The following ARAP1 variants were observed in gnomAD, a reference collection of about 807,000 sequenced individuals.
ARAP1 encodes the protein ArfGAP with RhoGAP domain, ankyrin repeat and PH domain 1.
In ARAP1, 76 loss-of-function variants were observed where a neutral mutation model predicts 172.2. That is an observed-to-expected ratio of 0.44 (90% CI 0.37 to 0.53). The LOEUF is 0.53. Ranked by LOEUF, ARAP1 falls within the 20% of genes least tolerant of loss-of-function variation. ARAP1 has a pLI of 0.00. For synonymous variants in ARAP1, 804 were observed against 803.3 expected (o/e 1.00, Z -0.01); for missense variants, 1,686 against 1,977.5 (o/e 0.85, Z 2.80).
chr11:72,715,043 G>A (rs1385601591), intron 3 of ARAP1, among the ~76,000 whole-genome samples: 1 of 152,240 alleles, frequency 6.6e-6, no homozygotes, highest in Non-Finnish European at 1.5e-5. Flanking sequence ...AGATCACATT[G>A]CTTCTGGCAG....
chr11:72,716,483 T>C (rs1213670550), intron 3 of ARAP1, among the ~76,000 whole-genome samples: 2 of 152,256 alleles, frequency 1.3e-5, no homozygotes, highest in African/African-American at 2.4e-5. Context: ...TTTGGCAGCA[T>C]GGCCTGTGGA....
intron 1 of ARAP1, among the ~76,000 whole-genome samples, chr11:72,740,144 C>G (rs1858156370): frequency 6.6e-6 from 1 of 152,132 alleles, no homozygotes; most frequent in Non-Finnish European, 1.5e-5. Flanking sequence ...GGTTTCAGTC[C>G]TCCTTCTTCT....
intron 1 of ARAP1, among the ~76,000 whole-genome samples, chr11:72,733,077 C>T (rs1052958529): frequency 6.6e-6 from 1 of 152,166 alleles, no homozygotes; most frequent in Admixed American, 6.5e-5. Context: ...GAACCTCATG[C>T]TCATGGAAAC....
chr11:72,687,309 T>C (rs1855733515), intron 33 of ARAP1, 130 bp downstream of exon 33: 2 of 1,189,740 alleles, frequency 1.7e-6, no homozygotes, highest in Non-Finnish European at 2.5e-6. Context: ...AACTAGCAAA[T>C]GAATTAAAAG....
At chr11:72,743,675 T>TC (rs951615047) in intron 1 of ARAP1, among the ~76,000 whole-genome samples, 2 of 152,248 alleles carry the variant, frequency 1.3e-5, no homozygotes, top group Middle Eastern at 3.4e-3. Flanking sequence ...GCAAGGCCTG[T>TC]CCCTTCTTTT....
rs745441066 is a variant in ARAP1 at position 72,699,419 on chromosome 11, A to G, written c.2436T>C (p.His812=). Residue 812 remains histidine, a splice_region_variant and synonymous_variant, in exon 17 of 35, where the codon CAT becomes CAC. Transcript: ENST00000393609. This position sits in a 1 kb window ranked among gnomAD's most constrained non-coding sequence, Gnocchi z 4.2. The stretch of plus-strand genomic sequence containing the variant: ...CTGATTTGCCCAGGAGTACTCACCC[A>G]TGGGTGTCAGGAGGGGGCACTGCCA... ...VCLAVPPPDT[H]GFEHTFEVYT... is the part of the protein sequence containing the mutation. 4 of 1,614,130 alleles carry G rather than the reference A, an allele frequency of 2.5e-6. No individual in the cohort carries two copies. Among genetic ancestry groups the G allele is most frequent in the Non-Finnish European group, 3.4e-6 (4 of 1,180,028 alleles).
chr11:72,710,729 A>G lies in ARAP1; in HGVS notation c.1214-142T>C, dbSNP rs1856976707. 5.7e-6 allele frequency: 6 copies of G among 1,049,384 alleles called. No individual in the cohort carries two copies. The South Asian group carries it at 9.9e-5, about 17-fold the overall frequency. 65.0% of individuals were successfully genotyped at this position (1,049,384 alleles called of 1,614,324 possible). On this transcript the variant is annotated intron_variant, in intron 9 of 34. Coordinates refer to ENST00000393609, the MANE Select transcript of ARAP1 (RefSeq NM_001040118.3). The surrounding 1 kb of genome is among the most constrained non-coding windows in gnomAD (Gnocchi z 4.3). ...CATTTTGCTTGACTTCTCTGACTTGAACGAGCTCAGGCTCCAATCCCAGCT... is the reference window on the plus strand; with the variant it reads ...CATTTTGCTTGACTTCTCTGACTTGGACGAGCTCAGGCTCCAATCCCAGCT...
At chr11:72,704,478 G>T in intron 13 of ARAP1, 144 bp from the exon 14 acceptor site, 1 of 925,546 alleles carries the variant, frequency 1.1e-6, no homozygotes, top group Non-Finnish European at 1.6e-6. Flanking sequence ...GGTGAGGACA[G>T]CCTGGCCTGC....
chr11:72,697,050 G>C lies in ARAP1; in HGVS notation c.3099C>G (p.Arg1033=), dbSNP rs760198795. The change falls in exon 22 of 35, where the codon CGC becomes CGG. Residue 1033 remains arginine (R), a synonymous_variant. Transcript: ENST00000393609. The stretch of plus-strand genomic sequence containing the variant: ...GCCCATCAGGCAGGTCGCGCAGGAA[G>C]CGCTTGAGCGCCGAGGAAACATCAT... ...HVDDVSSALK[R]FLRDLPDGLF... 2 of 1,610,214 alleles carry C rather than the reference G, an allele frequency of 1.2e-6. No individual in the cohort carries two copies. The highest frequency in any genetic ancestry group is 8.5e-7 in the Non-Finnish European group (1 of 1,179,936).
chr11:72,710,954 C>T lies in ARAP1; in HGVS notation c.1213+67G>A. ...ATGCACCATGACTCTCTTCCCCCTC[C>T]TCTGCCCAAACTTCCAGTCTTCTCT... is the stretch of plus-strand genomic sequence containing the variant. On this transcript the variant is annotated intron_variant, in intron 9 of 34. Coordinates refer to ENST00000393609, the MANE Select transcript of ARAP1 (RefSeq NM_001040118.3). This position sits in a 1 kb window ranked among gnomAD's most constrained non-coding sequence, Gnocchi z 4.3. 1 of 1,603,982 alleles carries T rather than the reference C, an allele frequency of 6.2e-7. No homozygotes were observed. The highest frequency in any genetic ancestry group is 8.5e-7 in the Non-Finnish European group (1 of 1,173,036).
intron 1 of ARAP1, among the ~76,000 whole-genome samples, chr11:72,743,337 C>T (rs1029725820): frequency 2.6e-5 from 4 of 152,330 alleles, no homozygotes; most frequent in Admixed American, 2.0e-4. Flanking sequence ...GTGTTTTCAG[C>T]CTTTGCTGCC....
chr11:72,736,370 G>A (rs373932938), intron 1 of ARAP1, among the ~76,000 whole-genome samples: 15 of 151,134 alleles, frequency 9.9e-5, no homozygotes, highest in African/African-American at 3.4e-4. Flanking sequence ...CCCCTCCCCA[G>A]TAGCGGGGAC....
At chr11:72,700,686 G>A (rs1177455232) in intron 16 of ARAP1, 1 of 152,390 alleles carries the variant, frequency 6.6e-6, no homozygotes, top group South Asian at 2.1e-4. Flanking sequence ...ATGGACAAAT[G>A]AGTACCAGGT....
intron 2 of ARAP1, among the ~76,000 whole-genome samples, chr11:72,731,503 G>C (rs1396432733): frequency 6.6e-6 from 1 of 152,166 alleles, no homozygotes; most frequent in Non-Finnish European, 1.5e-5. Flanking sequence ...CTGACTAAAA[G>C]CTTCCTGAGG....
Position 72,711,496 on chromosome 11 carries a change from A to T in ARAP1, c.1026T>A (p.Ser342=). 3 of 1,610,960 alleles carry T rather than the reference A, an allele frequency of 1.9e-6. No homozygotes were observed. Among genetic ancestry groups the T allele is most frequent in the Non-Finnish European group, 2.5e-6 (3 of 1,177,390 alleles). The change falls in exon 8 of 35, where the codon TCT becomes TCA. Residue 342 remains serine, a synonymous_variant. Transcript: ENST00000393609. The stretch of plus-strand genomic sequence containing the variant: ...TCACCCATCGTTTCTGATAGATGTA[A>T]GATCTGGAGAGGGAGAGGGACAACA... ...GWLDKNPPQG[S]YIYQKRWVRL... is the part of the protein sequence containing the mutation.
In ARAP1 at chr11:72,702,207, G is replaced by C. The variant is rs546680041; in HGVS notation, c.2168-424C>G. 3.3e-5 allele frequency among the ~76,000 whole-genome samples: 5 copies of C among 152,344 alleles called. No individual in the cohort carries two copies. In the South Asian group the frequency reaches 1.0e-3, roughly 32 times the overall value. ...CCTGTTCCCCACGGTCAGCGCCGTGGGGGGGCGGTGATCTGTCCCCAAGCC... is the reference window on the plus strand; with the variant it reads ...CCTGTTCCCCACGGTCAGCGCCGTGCGGGGGCGGTGATCTGTCCCCAAGCC... On this transcript the variant is annotated intron_variant, in intron 15 of 34. Transcript: ENST00000393609.
chr11:72,713,974 C>T (rs1381989172), intron 4 of ARAP1, among the ~76,000 whole-genome samples, 178 bp downstream of exon 4: 2 of 152,180 alleles, frequency 1.3e-5, no homozygotes, highest in East Asian at 3.8e-4. Context: ...GTGCTGTCTC[C>T]ATTGTGAGGA....
intron 7 of ARAP1, 93 bp downstream of exon 7, chr11:72,712,103 A>C: frequency 6.9e-7 from 1 of 1,455,018 alleles, no homozygotes; most frequent in Non-Finnish European, 9.0e-7. Flanking sequence ...TCTGGTTTTC[A>C]GATCAGTGAG....
At chr11:72,719,726 A>C (rs529612228) in intron 3 of ARAP1, among the ~76,000 whole-genome samples, 31 of 152,274 alleles carry the variant, frequency 2.0e-4, no homozygotes, top group Non-Finnish European at 3.8e-4. Context: ...TGAGAGAAGG[A>C]AGGCCACAGA....
Sources: allele counts gnomAD v4.1 joint callset (sites outside exome capture counted in the v4.1 genomes callset), GRCh38; gene constraint gnomAD v4.1.1; non-coding constraint Gnocchi (gnomAD v3.1); transcripts MANE v1.5; gene names NCBI Gene and HGNC (gene_info 2026-07-23, HGNC 2026-07-21).